EIF2A: variants seen among roughly 807,000 people sequenced by gnomAD.
The protein encoded by EIF2A is eukaryotic translation initiation factor 2A.
A neutral mutation model predicts 75.2 loss-of-function variants in EIF2A; 62 were observed. That is an observed-to-expected ratio of 0.82 (90% CI 0.67 to 1.02). The LOEUF (loss-of-function observed/expected upper bound fraction) is 1.02, where lower values mean the gene tolerates loss of function less well. EIF2A is among the 50% of genes least tolerant of loss of function. The pLI is 0.00. For synonymous variants in EIF2A, 207 were observed against 239.0 expected, an observed-to-expected ratio of 0.87 and a Z score of 1.23; for missense variants, 611 against 677.7, an observed-to-expected ratio of 0.90 and a Z score of 1.09.
intron 6 of EIF2A, among the ~76,000 whole-genome samples, chr3:150,565,427 A>G (rs574351510): frequency 3.3e-5 from 5 of 152,310 alleles, no homozygotes; most frequent in African/African-American, 9.6e-5. Context: ...CTGCTTCTAT[A>G]AAGAAAAATT....
At chr3:150,562,763 T>G (rs1232066116) in intron 4 of EIF2A, 103 bp downstream of exon 4, 1 of 762,956 alleles carries the variant, frequency 1.3e-6, no homozygotes, top group African/African-American at 1.7e-5. Flanking sequence ...GTAATTAGTC[T>G]TTATGATAGT....
chr3:150,565,586 G>A (rs927856130), intron 6 of EIF2A, among the ~76,000 whole-genome samples: 3 of 151,686 alleles, frequency 2.0e-5, no homozygotes, highest in South Asian at 2.1e-4. Context: ...CTTGTTTTTC[G>A]AGAGTGGGCC....
chr3:150,581,545 C>CA lies in EIF2A; in HGVS notation c.1498-70dup, dbSNP rs1330378409. 3 of 1,492,694 alleles carry CA rather than the reference C, an allele frequency of 2.0e-6. No homozygotes were observed. The African/African-American group carries it at 4.3e-5, about 21-fold the overall frequency. The allele number at this position is 1,492,694 out of a possible 1,614,324, so 92.5% of individuals were successfully genotyped here. On this transcript the variant is annotated intron_variant, in intron 11 of 13. Coordinates refer to ENST00000460851, the MANE Select transcript of EIF2A (RefSeq NM_032025.5). ...TATTTAGTTTCTGTATTTCATATGC[C>CA]AAAGCTATGTTGATTTAAATACTGT... is the stretch of plus-strand genomic sequence containing the variant.
intron 2 of EIF2A, chr3:150,553,001 A>G (rs1723390379): frequency 2.0e-5 from 3 of 152,316 alleles, no homozygotes; most frequent in Admixed American, 1.3e-4. Context: ...ACTTTGGACC[A>G]TATAATTGTT....
At position 150,568,229 on chromosome 3, in the gene EIF2A, T is replaced by C. The variant is rs1724298277; in HGVS notation, c.748T>C (p.Tyr250His). 5 of 1,613,662 alleles carry C rather than the reference T, an allele frequency of 3.1e-6. No homozygotes were observed. Among genetic ancestry groups the C allele is most frequent in the Non-Finnish European group, 4.2e-6 (5 of 1,179,786 alleles). ...STDVDKTGASYYGEQTLHYIA... is the reference protein window; with the variant it reads ...STDVDKTGASHYGEQTLHYIA... Reference sequence around the variant, plus strand: ...AGATGTTGACAAGACAGGAGCTTCCTACTATGGAGAACAAACTCTACACTA... The same window carrying C: ...AGATGTTGACAAGACAGGAGCTTCCCACTATGGAGAACAAACTCTACACTA... Residue 250 changes from tyrosine to histidine, a missense_variant, in exon 9 of 14, where the codon TAC becomes CAC. Physicochemically the swap from Tyr to His is moderately conservative, Grantham distance 83. Coordinates refer to ENST00000460851, the MANE Select transcript of EIF2A (RefSeq NM_032025.5).
chr3:150,557,441 C>T (rs1397521238), intron 2 of EIF2A: 4 of 161,298 alleles, frequency 2.5e-5, no homozygotes, highest in Admixed American at 1.9e-4. Context: ...GAGTCTCACT[C>T]TTTCGCCCAG....
chr3:150,583,626 A>C (rs894623086), intron 13 of EIF2A, among the ~76,000 whole-genome samples: 10 of 152,086 alleles, frequency 6.6e-5, no homozygotes, highest in African/African-American at 2.4e-4. Flanking sequence ...TAGAATTGAA[A>C]ATTTTTGGGG....
At chr3:150,575,497 G>C (rs1056456577) in intron 10 of EIF2A, among the ~76,000 whole-genome samples, 152 bp from the exon 11 acceptor site, 1 of 152,230 alleles carries the variant, frequency 6.6e-6, no homozygotes, top group African/African-American at 2.4e-5. Flanking sequence ...CAGTTGGAGT[G>C]TGCCACTACC....
chr3:150,562,701 A>T (rs749288979), intron 4 of EIF2A, 41 bp downstream of exon 4: 5 of 1,478,314 alleles, frequency 3.4e-6, no homozygotes, highest in Non-Finnish European at 4.7e-6. Flanking sequence ...GACACGATCA[A>T]TTACGTTTAG....
intron 4 of EIF2A, 71 bp from the exon 5 acceptor site, chr3:150,563,444 A>T: frequency 7.9e-7 from 1 of 1,271,412 alleles, no homozygotes. Flanking sequence ...TATCAAACTT[A>T]ATAAATAAGA....
chr3:150,548,813 C>T (rs1323998394), intron 1 of EIF2A, among the ~76,000 whole-genome samples: 1 of 152,154 alleles, frequency 6.6e-6, no homozygotes, highest in African/African-American at 2.4e-5. Flanking sequence ...TTCATATTCT[C>T]ATATTCTTAG....
At chr3:150,563,648 A>G (rs1159706171) in intron 5 of EIF2A, 34 bp downstream of exon 5, 8 of 1,405,272 alleles carry the variant, frequency 5.7e-6, no homozygotes, top group East Asian at 2.5e-5. Flanking sequence ...AATTTTTTAC[A>G]TAGTATTTTT....
At position 150,561,258 on chromosome 3, in the gene EIF2A, C is replaced by T. The variant is rs151000126; in HGVS notation, c.174-1284C>T. Among the ~76,000 whole-genome samples, 439 of 152,288 alleles carry T rather than the reference C, an allele frequency of 2.9e-3. 3 individuals carry two copies. Among genetic ancestry groups the T allele is most frequent in the African/African-American group, 0.01 (421 of 41,566 alleles). Reference sequence around the variant, plus strand: ...GGATTACAGGTGTGAGCCACTGCACCTGGCCCATTTATTCAAATTTAAAAG... The same window carrying T: ...GGATTACAGGTGTGAGCCACTGCACTTGGCCCATTTATTCAAATTTAAAAG... On this transcript the variant is annotated intron_variant, in intron 3 of 13. Transcript: ENST00000460851.
In EIF2A at chr3:150,561,795, A is replaced by ATT. The variant is rs60277430; in HGVS notation, c.174-735_174-734dup. The stretch of plus-strand genomic sequence containing the variant: ...ATAGGAGCCTTTTGGTAAAATATAC[A>ATT]TTTTTTTTTTTTTGAGATGGAGTCT... On this transcript the variant is annotated intron_variant, in intron 3 of 13. Coordinates refer to ENST00000460851, the MANE Select transcript of EIF2A (RefSeq NM_032025.5). Among the ~76,000 whole-genome samples the ATT allele has an allele frequency of 6.4e-4, 92 of 143,434 alleles. 1 individual carries two copies. Among genetic ancestry groups the ATT allele is most frequent in the Middle Eastern group, 7.0e-3 (2 of 286 alleles). The allele number at this position is 143,434 out of a possible 152,430, so 94.1% of individuals were successfully genotyped here.
intron 10 of EIF2A, among the ~76,000 whole-genome samples, chr3:150,573,749 C>G (rs905976616): frequency 5.9e-5 from 9 of 151,964 alleles, no homozygotes; most frequent in African/African-American, 2.2e-4. Context: ...GAAACAAAGA[C>G]AGTGTAGTAG....
In EIF2A at chr3:150,567,796, T is replaced by C. The variant is rs1724268778; in HGVS notation, c.549+30T>C. ...TTGCTGTTTTTGTTTATGTGTAATA[T>C]TATGTGTTTAAACCTTTTCCTAGTT... On this transcript the variant is annotated intron_variant, in intron 7 of 13. Transcript: ENST00000460851. The C allele has an allele frequency of 2.5e-6, 4 of 1,570,924 alleles. No homozygotes were observed. The African/African-American group carries it at 5.5e-5, about 21-fold the overall frequency.
chr3:150,551,222 G>A (rs1723298347), intron 1 of EIF2A, among the ~76,000 whole-genome samples: 3 of 152,028 alleles, frequency 2.0e-5, no homozygotes, highest in African/African-American at 7.2e-5. Context: ...CTAAACACAG[G>A]TATATGATTC....
rs977686809 is a variant in EIF2A, at chr3:150,584,745, G to T, written c.*834G>T. 1.2e-4 allele frequency among the ~76,000 whole-genome samples: 19 copies of T among 152,052 alleles called. 1 individual carries two copies. Among genetic ancestry groups the T allele is most frequent in the African/African-American group, 4.8e-5 (2 of 41,406 alleles). ...GTTGGTTGTATTTCTTTAGTGAATT[G>T]ATTTTTCTTTTCCTTTGCCCATTTT... On this transcript the variant is annotated 3_prime_UTR_variant, in exon 14 of 14. Coordinates refer to ENST00000460851, the MANE Select transcript of EIF2A (RefSeq NM_032025.5).
intron 10 of EIF2A, among the ~76,000 whole-genome samples, 161 bp downstream of exon 10, chr3:150,572,690 A>C (rs1175751986): frequency 1.3e-5 from 2 of 152,160 alleles, no homozygotes; most frequent in South Asian, 2.1e-4. Flanking sequence ...CCCCGTCCCT[A>C]CTAAAAATAA....
Sources: allele counts gnomAD v4.1 joint callset (sites outside exome capture counted in the v4.1 genomes callset), GRCh38; gene constraint gnomAD v4.1.1; transcripts MANE v1.5; gene names NCBI Gene and HGNC (gene_info 2026-07-23, HGNC 2026-07-21).